The following SMYD3 variants were observed in gnomAD, a reference collection of about 807,000 sequenced individuals.
SMYD3 encodes the protein histone-lysine N-methyltransferase SMYD3.
Under a neutral mutation model 57.7 loss-of-function variants are expected in SMYD3, and 36 were observed. The ratio of observed to expected loss-of-function variants is 0.62; its 90% CI spans 0.48 to 0.82. The LOEUF (loss-of-function observed/expected upper bound fraction) is 0.82, where lower values mean the gene tolerates loss of function less well. SMYD3 is among the 40% of genes least tolerant of loss of function. The probability of loss-of-function intolerance (pLI) is 0.00; values close to 1 mark genes in which losing one functional copy is unlikely to be tolerated. For missense variants in SMYD3, 515 were observed against 538.8 expected (o/e 0.96, Z 0.44); for synonymous variants, 211 against 195.0 (o/e 1.08, Z -0.68).
intron 5 of SMYD3, among the ~76,000 whole-genome samples, chr1:246,032,295 C>T (rs1221324927): frequency 1.3e-5 from 2 of 152,150 alleles, no homozygotes; most frequent in African/African-American, 4.8e-5. Context: ...ATCTCATAAC[C>T]ATAAATGGCC....
intron 11 of SMYD3, among the ~76,000 whole-genome samples, chr1:245,751,951 T>C (rs1302620012): frequency 6.6e-6 from 1 of 152,210 alleles, no homozygotes; most frequent in Non-Finnish European, 1.5e-5. Context: ...GGGCAGAAGA[T>C]TAAAAACAAA....
In SMYD3 at chr1:246,172,152, T is replaced by C. The variant is rs540620975; in HGVS notation, c.531+155049A>G. On this transcript the variant is annotated intron_variant, in intron 5 of 11. Transcript: ENST00000490107. Reference sequence around the variant, plus strand: ...ATGTGAAGGCCTAGAACACTCACTGTACTCTACTGTAGACTATCCACACTG... The same window carrying C: ...ATGTGAAGGCCTAGAACACTCACTGCACTCTACTGTAGACTATCCACACTG... 7.2e-5 allele frequency among the ~76,000 whole-genome samples: 11 copies of C among 152,344 alleles called. No homozygotes were observed. In the East Asian group the frequency reaches 1.7e-3, roughly 24 times the overall value.
chr1:246,201,578 A>G (rs1248335187), intron 5 of SMYD3, among the ~76,000 whole-genome samples: 3 of 152,210 alleles, frequency 2.0e-5, no homozygotes, highest in African/African-American at 7.2e-5. Context: ...TGAGGATGAC[A>G]ATGTTCAGAT....
intron 5 of SMYD3, among the ~76,000 whole-genome samples, chr1:246,125,416 C>A (rs1427486565): frequency 2.6e-5 from 4 of 152,112 alleles, no homozygotes; most frequent in Non-Finnish European, 5.9e-5. Context: ...AATGGGGTAA[C>A]CATACTATGT....
intron 8 of SMYD3, among the ~76,000 whole-genome samples, chr1:245,892,633 T>A (rs1558464783): frequency 6.6e-6 from 1 of 152,228 alleles, no homozygotes; most frequent in African/African-American, 2.4e-5. Flanking sequence ...TTGTATAATA[T>A]CCTGTGGCTT....
chr1:246,421,875 C>G (rs1279655235), intron 1 of SMYD3, among the ~76,000 whole-genome samples: 2 of 152,164 alleles, frequency 1.3e-5, no homozygotes. Flanking sequence ...GATGGATGTG[C>G]CAGCTCAAAA....
At chr1:245,908,737 GA>G (rs535636672) in intron 8 of SMYD3, among the ~76,000 whole-genome samples, 4 of 152,040 alleles carry the variant, frequency 2.6e-5, no homozygotes, top group Non-Finnish European at 4.4e-5. Flanking sequence ...AAGCAATTGA[GA>G]AAAAGATCAA....
chr1:245,947,124 C>T (rs777604923), intron 5 of SMYD3, among the ~76,000 whole-genome samples: 10 of 152,110 alleles, frequency 6.6e-5, no homozygotes, highest in Non-Finnish European at 1.5e-4. Flanking sequence ...AGCTGGGAAG[C>T]GTCAACTAAA....
At chr1:246,330,991 C>T (rs773717791) in intron 3 of SMYD3, among the ~76,000 whole-genome samples, 1 of 152,072 alleles carries the variant, frequency 6.6e-6, no homozygotes, top group Non-Finnish European at 1.5e-5. Flanking sequence ...AAAAATTAGC[C>T]AGGCATGGTG....
intron 5 of SMYD3, among the ~76,000 whole-genome samples, chr1:245,980,790 C>T (rs1026182291): frequency 6.6e-6 from 1 of 152,232 alleles, no homozygotes; most frequent in Non-Finnish European, 1.5e-5. Context: ...CTACTCCAGA[C>T]TGTATGATAT....
chr1:246,166,736 G>C (rs2062219462), intron 5 of SMYD3, among the ~76,000 whole-genome samples: 1 of 152,188 alleles, frequency 6.6e-6, no homozygotes. Flanking sequence ...GCAACTGACT[G>C]TAATACCTGA....
At chr1:246,134,439 T>A (rs1572084974) in intron 5 of SMYD3, among the ~76,000 whole-genome samples, 1 of 152,084 alleles carries the variant, frequency 6.6e-6, no homozygotes, top group Admixed American at 6.6e-5. Context: ...TTTATAAATT[T>A]TATACACTAA....
intron 1 of SMYD3, among the ~76,000 whole-genome samples, chr1:246,456,732 A>G (rs975604093): frequency 2.6e-5 from 4 of 152,226 alleles, no homozygotes; most frequent in Non-Finnish European, 5.9e-5. Flanking sequence ...GGTGAGTGAT[A>G]GCCAAAATCC....
chr1:246,241,831 C>G (rs9787378), intron 5 of SMYD3, among the ~76,000 whole-genome samples: 40,527 of 151,888 alleles, frequency 0.27, 6,105 homozygotes, highest in East Asian at 0.58. Context: ...GAGAGTGTAT[C>G]TGTCGAGGAA....
At chr1:245,769,152 G>T (rs1054065347) in intron 10 of SMYD3, among the ~76,000 whole-genome samples, 1 of 152,136 alleles carries the variant, frequency 6.6e-6, no homozygotes, top group African/African-American at 2.4e-5. Flanking sequence ...ATTGGACTGA[G>T]GGGAGAAAAT....
At chr1:245,938,878 A>G (rs1217557028) in intron 5 of SMYD3, among the ~76,000 whole-genome samples, 1 of 152,174 alleles carries the variant, frequency 6.6e-6, no homozygotes, top group Non-Finnish European at 1.5e-5. Context: ...TGCTGCAGCA[A>G]TTTGCAAGGA....
chr1:246,158,487 C>T (rs960847341), intron 5 of SMYD3, among the ~76,000 whole-genome samples: 16 of 152,084 alleles, frequency 1.1e-4, no homozygotes, highest in South Asian at 4.1e-4. Flanking sequence ...TAAATAAATA[C>T]GCAATGATTA....
chr1:246,367,102 A>G (rs2066116649), intron 1 of SMYD3, among the ~76,000 whole-genome samples: 1 of 152,186 alleles, frequency 6.6e-6, no homozygotes, highest in Non-Finnish European at 1.5e-5. Context: ...TAAAACAAGA[A>G]ATAGTGAATG....
At chr1:245,934,515 T>C (rs186464169) in intron 5 of SMYD3, among the ~76,000 whole-genome samples, 28 of 152,236 alleles carry the variant, frequency 1.8e-4, no homozygotes, top group African/African-American at 6.7e-4. Flanking sequence ...GTATGGCAAA[T>C]ATTTATCCAT....
Sources: allele counts gnomAD v4.1 joint callset (sites outside exome capture counted in the v4.1 genomes callset), GRCh38; gene constraint gnomAD v4.1.1; transcripts MANE v1.5; gene names NCBI Gene and HGNC (gene_info 2026-07-23, HGNC 2026-07-21).